The following CLPB variants were observed in gnomAD, a reference collection of about 807,000 sequenced individuals.
The protein encoded by CLPB is ClpB family mitochondrial disaggregase, also known as mitochondrial disaggregase.
A neutral mutation model predicts 78.4 loss-of-function variants in CLPB; 40 were observed. The ratio of observed to expected loss-of-function variants is 0.51; its 90% CI spans 0.40 to 0.66. The LOEUF (loss-of-function observed/expected upper bound fraction) is 0.66, where lower values mean the gene tolerates loss of function less well. CLPB is among the 30% of genes least tolerant of loss of function. The probability of loss-of-function intolerance (pLI) is 0.00; values close to 1 mark genes in which losing one functional copy is unlikely to be tolerated. For synonymous variants in CLPB, 333 were observed against 348.0 expected (o/e 0.96, Z 0.48); for missense variants, 780 against 886.9 (o/e 0.88, Z 1.53).
At chr11:72,305,749 T>TA (rs1949735775) in intron 9 of CLPB, among the ~76,000 whole-genome samples, 1 of 152,216 alleles carries the variant, frequency 6.6e-6, no homozygotes, top group Non-Finnish European at 1.5e-5. Flanking sequence ...TTGTGCCAAC[T>TA]AAAAAATTAC....
At chr11:72,304,791 C>T (rs1461809444) in intron 9 of CLPB, among the ~76,000 whole-genome samples, 1 of 152,210 alleles carries the variant, frequency 6.6e-6, no homozygotes, top group Admixed American at 6.5e-5. Context: ...TTCATTTCGT[C>T]AGCTGTCTTG....
At chr11:72,430,211 T>C in intron 2 of CLPB, 101 bp downstream of exon 2, 1 of 1,111,092 alleles carries the variant, frequency 9.0e-7, no homozygotes, top group Non-Finnish European at 1.3e-6. Context: ...GTTCCCAGCT[T>C]AGGGTAAGGA....
chr11:72,401,610 T>A (rs1406306472), intron 3 of CLPB, among the ~76,000 whole-genome samples: 1 of 152,230 alleles, frequency 6.6e-6, no homozygotes, highest in Non-Finnish European at 1.5e-5. Context: ...TCTGAGGCAG[T>A]ACCACCTCTA....
At position 72,293,464 on chromosome 11, in the gene CLPB, G is replaced by C. The variant is rs201668123; in HGVS notation, c.1937C>G (p.Pro646Arg). The C allele has an allele frequency of 1.2e-6, 2 of 1,614,052 alleles. No individual in the cohort carries two copies. Among genetic ancestry groups the C allele is most frequent in the Middle Eastern group, 1.6e-4 (1 of 6,082 alleles). ...GTCGATGATCTCCAGACGCAGCTTGGGGAGGCGCTTCTCAGCCTGGGGTGA... is the reference window on the plus strand; with the variant it reads ...GTCGATGATCTCCAGACGCAGCTTGCGGAGGCGCTTCTCAGCCTGGGGTGA... ...LPSPQAEKRL[P>R]KLRLEIIDKD... is the part of the protein sequence containing the mutation. Residue 646 changes from proline (P) to arginine (R), a missense_variant, in exon 16 of 16, where the codon CCC (proline) becomes CGC (arginine). Coordinates refer to ENST00000538039, the MANE Select transcript of CLPB (RefSeq NM_001258392.3).
intron 2 of CLPB, among the ~76,000 whole-genome samples, chr11:72,404,796 G>A (rs1027974137): frequency 6.6e-6 from 1 of 152,144 alleles, no homozygotes; most frequent in African/African-American, 2.4e-5. Flanking sequence ...AACATGTGAG[G>A]GAAGAGTATT....
At chr11:72,353,292 G>A (rs1177292460) in intron 5 of CLPB, 1 of 152,412 alleles carries the variant, frequency 6.6e-6, no homozygotes, top group African/African-American at 2.4e-5. Context: ...GTGGGAAGGA[G>A]GCTGAGAGAG....
At chr11:72,319,494 T>C (rs1030642304) in intron 6 of CLPB, among the ~76,000 whole-genome samples, 1 of 152,358 alleles carries the variant, frequency 6.6e-6, no homozygotes, top group South Asian at 2.1e-4. Flanking sequence ...GGCTCTTCTT[T>C]TGGCTCACAG....
intron 6 of CLPB, among the ~76,000 whole-genome samples, chr11:72,325,701 G>GT (rs920119417): frequency 3.9e-4 from 59 of 152,274 alleles, no homozygotes; most frequent in African/African-American, 1.3e-3. Context: ...GAATAGGATT[G>GT]TAACTCCTTC....
chr11:72,416,947 T>C (rs1470313490), intron 2 of CLPB, among the ~76,000 whole-genome samples: 6 of 152,014 alleles, frequency 3.9e-5, no homozygotes, highest in African/African-American at 1.4e-4. Context: ...GTGGAAAAGG[T>C]AGAACCCTCA....
At chr11:72,394,955 C>T (rs1016662741) in intron 3 of CLPB, among the ~76,000 whole-genome samples, 5 of 152,254 alleles carry the variant, frequency 3.3e-5, no homozygotes, top group Admixed American at 2.0e-4. Flanking sequence ...GGTTCCCTGC[C>T]GGTTGCTTCT....
At chr11:72,407,150 C>T (rs1855734526) in intron 2 of CLPB, among the ~76,000 whole-genome samples, 1 of 152,168 alleles carries the variant, frequency 6.6e-6, no homozygotes, top group Non-Finnish European at 1.5e-5. Context: ...CCCTTTTGGA[C>T]CTATGTGAGC....
At chr11:72,351,135 G>A (rs1197147210) in intron 5 of CLPB, among the ~76,000 whole-genome samples, 1 of 152,156 alleles carries the variant, frequency 6.6e-6, no homozygotes, top group Non-Finnish European at 1.5e-5. Context: ...TTAGAGAAGG[G>A]CCATGATTTT....
intron 7 of CLPB, among the ~76,000 whole-genome samples, chr11:72,311,879 G>T (rs1320183505): frequency 2.0e-5 from 3 of 152,206 alleles, no homozygotes; most frequent in Non-Finnish European, 4.4e-5. Context: ...GTGCCCACCT[G>T]GCTTGTGTTC....
intron 2 of CLPB, among the ~76,000 whole-genome samples, chr11:72,419,476 G>A (rs1856125374): frequency 6.6e-6 from 1 of 152,138 alleles, no homozygotes; most frequent in South Asian, 2.1e-4. Context: ...TGATCATATT[G>A]ATCCCCTCTC....
Position 72,294,333 on chromosome 11 carries a change from C to A in CLPB, c.1672G>T (p.Ala558Ser). 1 of 1,614,210 alleles carries A rather than the reference C, an allele frequency of 6.2e-7. No homozygotes were observed. ...GGGCAGTTCCCTCTTACTCTCTTGG[C>A]CCAGAAGTTTAGTTCCTTGTTGACG... Reference protein sequence around the residue: ...QLVNKELNFWAKRAKQRHNIT... With the variant: ...QLVNKELNFWSKRAKQRHNIT... The change falls in exon 14 of 16, where the codon GCC becomes TCC. Residue 558 changes from alanine to serine, a missense_variant. Physicochemically the swap from Ala to Ser is moderately conservative, Grantham distance 99 (BLOSUM62 1). Transcript: ENST00000538039.
chr11:72,305,812 A>C lies in CLPB; in HGVS notation c.1122+1387T>G, dbSNP rs989483408. On this transcript the variant is annotated intron_variant, in intron 9 of 15. Transcript: ENST00000538039. ...CCTCTCCTTTCTACATCAGCAAGTCAGTAGATACTTTCCTTCTACTTCTAC... is the reference window on the plus strand; with the variant it reads ...CCTCTCCTTTCTACATCAGCAAGTCCGTAGATACTTTCCTTCTACTTCTAC... Among the ~76,000 whole-genome samples the C allele has an allele frequency of 5.9e-5, 9 of 152,380 alleles. 1 individual carries two copies. The highest frequency in any genetic ancestry group is 2.6e-4 in the Admixed American group (4 of 15,304).
intron 6 of CLPB, among the ~76,000 whole-genome samples, chr11:72,325,460 C>T (rs1345378382): frequency 6.6e-6 from 1 of 152,170 alleles, no homozygotes; most frequent in Non-Finnish European, 1.5e-5. Flanking sequence ...GCCTCATCAC[C>T]TCTGGATATT....
chr11:72,403,217 A>G (rs1381871462), intron 2 of CLPB, among the ~76,000 whole-genome samples, 165 bp from the exon 3 acceptor site: 1 of 152,250 alleles, frequency 6.6e-6, no homozygotes, highest in African/African-American at 2.4e-5. Context: ...CAGAGCCTGA[A>G]TGAGTCAGGA....
chr11:72,401,435 C>G (rs748070388), intron 3 of CLPB, among the ~76,000 whole-genome samples: 1 of 151,294 alleles, frequency 6.6e-6, no homozygotes, highest in East Asian at 1.9e-4. Context: ...AGTGAGACTC[C>G]GTCTCAAAAA....
Sources: allele counts gnomAD v4.1 joint callset (sites outside exome capture counted in the v4.1 genomes callset), GRCh38; gene constraint gnomAD v4.1.1; transcripts MANE v1.5; gene names NCBI Gene and HGNC (gene_info 2026-07-23, HGNC 2026-07-21).